Variants in TMEM108 observed in about 807,000 individuals in gnomAD.
The protein encoded by TMEM108 is cancer/testis antigen 124.
TMEM108 carries 12 observed loss-of-function variants against 35.1 expected under a neutral mutation model. The observed-to-expected ratio is 0.34, with a 90% CI of 0.22 to 0.55. The LOEUF (loss-of-function observed/expected upper bound fraction) is 0.55. Among genes scored for constraint, TMEM108 ranks in the 20% least tolerant of loss-of-function variants. The probability of loss-of-function intolerance (pLI) is 0.89; values close to 1 mark genes in which losing one functional copy is unlikely to be tolerated. For synonymous variants in TMEM108, 287 were observed against 308.6 expected, an observed-to-expected ratio of 0.93 and a Z score of 0.73; for missense variants, 680 against 753.3, an observed-to-expected ratio of 0.90 and a Z score of 1.14.
At chr3:133,144,105 A>G (rs1191954061) in intron 2 of TMEM108, among the ~76,000 whole-genome samples, 1 of 151,846 alleles carries the variant, frequency 6.6e-6, no homozygotes, top group East Asian at 1.9e-4. Context: ...TATTTCTCCT[A>G]ATGCTGTCTC....
intron 2 of TMEM108, among the ~76,000 whole-genome samples, chr3:133,114,302 A>G (rs931929945): frequency 2.0e-5 from 3 of 152,214 alleles, no homozygotes; most frequent in African/African-American, 7.2e-5. Context: ...TTAGGTATCA[A>G]CTATAAAACC....
At chr3:133,191,219 A>T (rs935627024) in intron 2 of TMEM108, among the ~76,000 whole-genome samples, 2 of 152,160 alleles carry the variant, frequency 1.3e-5, no homozygotes, top group African/African-American at 4.8e-5. Context: ...AAATACATAG[A>T]GGGAGGCAGA....
chr3:133,318,562 T>C (rs1383452900), intron 3 of TMEM108, among the ~76,000 whole-genome samples: 1 of 152,210 alleles, frequency 6.6e-6, no homozygotes, highest in Admixed American at 6.5e-5. Flanking sequence ...CCCAGCCATG[T>C]TCTCATAAGT....
chr3:133,204,288 GT>G (rs1282948556), intron 2 of TMEM108, among the ~76,000 whole-genome samples: 1 of 147,568 alleles, frequency 6.8e-6, no homozygotes, highest in Non-Finnish European at 1.5e-5. Context: ...GGTTTTTCAT[GT>G]TTCTATCTCC....
At chr3:133,300,570 G>T (rs1426634316) in intron 3 of TMEM108, among the ~76,000 whole-genome samples, 1 of 152,114 alleles carries the variant, frequency 6.6e-6, no homozygotes, top group Non-Finnish European at 1.5e-5. Flanking sequence ...GTGCCACATG[G>T]GGAAGCACCA....
At chr3:133,304,550 T>C (rs977714775) in intron 3 of TMEM108, among the ~76,000 whole-genome samples, 1 of 152,160 alleles carries the variant, frequency 6.6e-6, no homozygotes, top group South Asian at 2.1e-4. Flanking sequence ...CATTTTTCTC[T>C]GTAAATTTAC....
At chr3:133,083,664 T>C (rs544064981) in intron 2 of TMEM108, among the ~76,000 whole-genome samples, 1 of 152,370 alleles carries the variant, frequency 6.6e-6, no homozygotes, top group South Asian at 2.1e-4. Flanking sequence ...TGTTTTATTT[T>C]TAGATAGTTC....
intron 5 of TMEM108, among the ~76,000 whole-genome samples, chr3:133,391,310 T>C (rs1218573922): frequency 2.6e-5 from 4 of 152,082 alleles, no homozygotes; most frequent in Non-Finnish European, 2.9e-5. Context: ...TAGGATGCAA[T>C]TGAGATGGCC....
At chr3:133,321,978 G>A (rs1239197291) in intron 3 of TMEM108, among the ~76,000 whole-genome samples, 1 of 152,140 alleles carries the variant, frequency 6.6e-6, no homozygotes, top group Non-Finnish European at 1.5e-5. Context: ...CCTTTGAACT[G>A]AATGATAATT....
intron 3 of TMEM108, among the ~76,000 whole-genome samples, chr3:133,324,674 A>C (rs958289719): frequency 1.4e-4 from 22 of 152,210 alleles, no homozygotes. Context: ...CTGGGTATCC[A>C]CCCAAAGAAT....
chr3:133,188,432 T>TC (rs1945453097), intron 2 of TMEM108, among the ~76,000 whole-genome samples: 1 of 151,612 alleles, frequency 6.6e-6, no homozygotes, highest in Non-Finnish European at 1.5e-5. Context: ...TTCCTTTTTT[T>TC]TTTTTTATCC....
At position 133,185,976 on chromosome 3, in the gene TMEM108, C is replaced by A. The variant is rs147828590; in HGVS notation, c.-46-43290C>A. Among the ~76,000 whole-genome samples the A allele has an allele frequency of 7.3e-3, 1,106 of 152,040 alleles. 16 individuals carry two copies. Among genetic ancestry groups the A allele is most frequent in the African/African-American group, 0.025 (1,051 of 41,484 alleles). On this transcript the variant is annotated intron_variant, in intron 2 of 5. Coordinates refer to ENST00000321871, the MANE Select transcript of TMEM108 (RefSeq NM_023943.4). ...AGAGACAAGGTTTCACCATGTTGGC[C>A]AGGCTGGTCTTGAACTCCTGACTTC...
At chr3:133,254,695 T>G (rs2107670964) in intron 3 of TMEM108, among the ~76,000 whole-genome samples, 1 of 152,372 alleles carries the variant, frequency 6.6e-6, no homozygotes, top group South Asian at 2.1e-4. Context: ...TATGAACTAC[T>G]TGATATTCTC....
chr3:133,391,086 G>A (rs574364066), intron 5 of TMEM108, among the ~76,000 whole-genome samples: 1 of 152,274 alleles, frequency 6.6e-6, no homozygotes, highest in South Asian at 2.1e-4. Context: ...CCTTAATGGG[G>A]TATTATGGCA....
chr3:133,397,417 AG>A lies in TMEM108; in HGVS notation c.*1432del, dbSNP rs2073321524. Reference sequence around the variant, plus strand: ...AAAAAAAAAAAAGATGGCCTTCAAAAGTGTGTTCTCAATGTTGTATGAACCT... The same window carrying A: ...AAAAAAAAAAAAGATGGCCTTCAAAATGTGTTCTCAATGTTGTATGAACCT... On this transcript the variant is annotated 3_prime_UTR_variant, in exon 6 of 6. Coordinates refer to ENST00000321871, the MANE Select transcript of TMEM108 (RefSeq NM_023943.4). The A allele has an allele frequency of 6.6e-6, 1 of 151,296 alleles. No individual in the cohort carries two copies. The highest frequency in any genetic ancestry group is 2.4e-5 in the African/African-American group (1 of 41,218). The allele number at this position is 151,296 out of a possible 1,614,324, so 9.4% of individuals were successfully genotyped here. A position where few individuals can be genotyped will look rare whatever the true frequency, so the allele number is the denominator to read the frequency against.
At chr3:133,102,149 C>G (rs553963253) in intron 2 of TMEM108, among the ~76,000 whole-genome samples, 5 of 152,212 alleles carry the variant, frequency 3.3e-5, no homozygotes, top group Non-Finnish European at 7.3e-5. Flanking sequence ...GGCACACATG[C>G]CCCTCAACTG....
chr3:133,097,031 A>G (rs929451385), intron 2 of TMEM108, among the ~76,000 whole-genome samples: 2 of 152,196 alleles, frequency 1.3e-5, no homozygotes, highest in Non-Finnish European at 2.9e-5. Context: ...CACGGGAAGG[A>G]CTAAAACATG....
chr3:133,084,334 C>G (rs1433857988), intron 2 of TMEM108, among the ~76,000 whole-genome samples: 1 of 152,176 alleles, frequency 6.6e-6, no homozygotes, highest in Non-Finnish European at 1.5e-5. Context: ...GTTACTGTCA[C>G]TAGAACAATC....
intron 4 of TMEM108, among the ~76,000 whole-genome samples, chr3:133,386,250 G>A (rs1211049030): frequency 2.0e-5 from 3 of 152,224 alleles, no homozygotes; most frequent in African/African-American, 7.2e-5. Context: ...ATCTGCCATG[G>A]AGAAGGTACT....
Sources: gnomAD v4.1 joint callset for allele counts (sites outside exome capture counted in the v4.1 genomes callset) on GRCh38, gnomAD v4.1.1 for gene constraint, MANE v1.5 for transcripts, NCBI Gene and HGNC (gene_info 2026-07-23, HGNC 2026-07-21) for gene names.